TMEM74: variants seen among roughly 807,000 people sequenced by gnomAD.
TMEM74 encodes transmembrane protein 74.
A neutral mutation model predicts 18.1 loss-of-function variants in TMEM74; 13 were observed. The ratio of observed to expected loss-of-function variants is 0.72; its 90% CI spans 0.47 to 1.14. The LOEUF (loss-of-function observed/expected upper bound fraction) is 1.14. Among genes scored for constraint, TMEM74 ranks in the 50% most tolerant of loss-of-function variants. TMEM74 has a pLI of 0.00. For synonymous variants in TMEM74, 159 were observed against 146.6 expected (o/e 1.08, Z -0.61); for missense variants, 372 against 375.9 (o/e 0.99, Z 0.09).
At chr8:108,734,553 T>C (rs944922789) in intron 1 of TMEM74, among the ~76,000 whole-genome samples, 5 of 152,176 alleles carry the variant, frequency 3.3e-5, no homozygotes, top group African/African-American at 7.2e-5. Context: ...TAAATCGTCA[T>C]CTCTATTATG....
At chr8:108,659,724 C>T (rs1245637649) in intron 1 of TMEM74, among the ~76,000 whole-genome samples, 3 of 152,158 alleles carry the variant, frequency 2.0e-5, no homozygotes, top group Non-Finnish European at 4.4e-5. Context: ...CTGCTCCAAC[C>T]TGTGTTGCCC....
At chr8:108,659,462 T>A (rs1812878989) in intron 1 of TMEM74, among the ~76,000 whole-genome samples, 1 of 152,148 alleles carries the variant, frequency 6.6e-6, no homozygotes. Flanking sequence ...TCAGAAAAGC[T>A]GGTGTTCTCC....
intron 1 of TMEM74, among the ~76,000 whole-genome samples, chr8:108,673,221 A>T (rs568577729): frequency 3.3e-5 from 5 of 152,330 alleles, no homozygotes; most frequent in Non-Finnish European, 7.3e-5. Flanking sequence ...TGTCTCTGTT[A>T]TCCTCACACA....
chr8:108,736,257 A>C (rs1345385285), intron 1 of TMEM74, among the ~76,000 whole-genome samples: 2 of 152,116 alleles, frequency 1.3e-5, no homozygotes, highest in Admixed American at 6.5e-5. Flanking sequence ...TTTGAGGTCT[A>C]CTTGTTATAG....
At chr8:108,760,809 C>CT (rs1441790171) in intron 1 of TMEM74, among the ~76,000 whole-genome samples, 1 of 151,870 alleles carries the variant, frequency 6.6e-6, no homozygotes, top group Admixed American at 6.6e-5. Context: ...CAACCCCAAG[C>CT]TTTTACTGGT....
intron 2 of TMEM74, among the ~76,000 whole-genome samples, chr8:108,614,598 A>G (rs1279326241): frequency 6.6e-6 from 1 of 152,202 alleles, no homozygotes; most frequent in Non-Finnish European, 1.5e-5. Context: ...CTACTAAACC[A>G]TCTGCAATGT....
intron 1 of TMEM74, among the ~76,000 whole-genome samples, chr8:108,749,237 TTGGGCAGTATGGCCA>T (rs1467886919): frequency 6.6e-6 from 1 of 152,188 alleles, no homozygotes; most frequent in Non-Finnish European, 1.5e-5. Context: ...CTAAATTGCT[TTGGGCAGTATGGCCA>T]TTTTCAAGAT....
intron 1 of TMEM74, among the ~76,000 whole-genome samples, chr8:108,688,823 G>A (rs1304452447): frequency 6.6e-6 from 1 of 152,048 alleles, no homozygotes; most frequent in Non-Finnish European, 1.5e-5. Context: ...CTGCAGTCTT[G>A]ACCAGCCCAC....
At chr8:108,765,758 T>C (rs544221837) in intron 1 of TMEM74, among the ~76,000 whole-genome samples, 172 of 152,238 alleles carry the variant, frequency 1.1e-3, no homozygotes, top group African/African-American at 4.0e-3. Flanking sequence ...ATCACATACT[T>C]AACAATTTAT....
At chr8:108,630,261 T>G (rs1208657073) in intron 2 of TMEM74, among the ~76,000 whole-genome samples, 1 of 151,922 alleles carries the variant, frequency 6.6e-6, no homozygotes, top group Non-Finnish European at 1.5e-5. Context: ...AAAGGATCAA[T>G]GCAACTAGAA....
At chr8:108,742,713 G>A (rs1040144278) in intron 1 of TMEM74, among the ~76,000 whole-genome samples, 4 of 152,066 alleles carry the variant, frequency 2.6e-5, no homozygotes, top group Non-Finnish European at 5.9e-5. Context: ...GAGCTCTCTT[G>A]CTCAGCTACT....
intron 1 of TMEM74, among the ~76,000 whole-genome samples, chr8:108,768,070 T>C (rs1814130401): frequency 1.3e-5 from 2 of 152,176 alleles, no homozygotes. Flanking sequence ...ATATCATAAA[T>C]AAGCCCAGCC....
At chr8:108,744,910 T>C (rs1343688298) in intron 1 of TMEM74, among the ~76,000 whole-genome samples, 3 of 152,168 alleles carry the variant, frequency 2.0e-5, no homozygotes, top group Non-Finnish European at 2.9e-5. Flanking sequence ...CAGCTATTCA[T>C]TGGAAAAAGG....
At chr8:108,787,249 C>T (rs1322246983) in intron 1 of TMEM74, among the ~76,000 whole-genome samples, 1 of 152,142 alleles carries the variant, frequency 6.6e-6, no homozygotes, top group Non-Finnish European at 1.5e-5. Flanking sequence ...GCCGGGAGAG[C>T]GAGCCCCAAG....
At chr8:108,702,606 A>AT (rs902464343) in intron 1 of TMEM74, among the ~76,000 whole-genome samples, 6 of 151,974 alleles carry the variant, frequency 3.9e-5, no homozygotes, top group South Asian at 2.1e-4. Context: ...TAGGAGAGAA[A>AT]TTTTTTTTAT....
chr8:108,745,056 G>A (rs1397174230), intron 1 of TMEM74, among the ~76,000 whole-genome samples: 6 of 152,088 alleles, frequency 3.9e-5, no homozygotes, highest in African/African-American at 1.4e-4. Flanking sequence ...TTACTATAAT[G>A]GAAAGATATT....
intron 1 of TMEM74, among the ~76,000 whole-genome samples, chr8:108,715,564 A>G (rs564844393): frequency 1.0e-3 from 154 of 152,290 alleles, no homozygotes; most frequent in Middle Eastern, 6.8e-3. Flanking sequence ...GTTGTCTGAC[A>G]AGTTGTGTTT....
intron 1 of TMEM74, among the ~76,000 whole-genome samples, chr8:108,699,187 C>CCTTCCTTCCTA (rs1563529302): frequency 2.9e-5 from 2 of 68,792 alleles, no homozygotes; most frequent in Non-Finnish European, 5.3e-5. Flanking sequence ...CTTCCTTCCT[C>CCTTCCTTCCTA]CCTCCCTCCC....
chr8:108,785,680 A>G (rs1167998120), intron 1 of TMEM74, among the ~76,000 whole-genome samples: 1 of 152,204 alleles, frequency 6.6e-6, no homozygotes, highest in East Asian at 1.9e-4. Context: ...CACCCCTATC[A>G]GCTGGGCAGG....
Sources: gnomAD v4.1 joint callset for allele counts (sites outside exome capture counted in the v4.1 genomes callset) on GRCh38, gnomAD v4.1.1 for gene constraint, MANE v1.5 for transcripts, NCBI Gene and HGNC (gene_info 2026-07-23, HGNC 2026-07-21) for gene names.